The following ZZEF1 variants were observed in gnomAD, a reference collection of about 807,000 sequenced individuals.
The protein encoded by ZZEF1 is zinc finger ZZ-type and EF-hand domain containing 1.
ZZEF1 carries 157 observed loss-of-function variants against 342.8 expected under a neutral mutation model. That is an observed-to-expected ratio of 0.46 (90% CI 0.40 to 0.52). The LOEUF (loss-of-function observed/expected upper bound fraction) is 0.52, where lower values mean the gene tolerates loss of function less well. ZZEF1 is among the 20% of genes least tolerant of loss of function. The pLI, the probability that ZZEF1 is intolerant of heterozygous loss-of-function variation, is 0.00. For missense variants in ZZEF1, 3,480 were observed against 3,725.6 expected (o/e 0.93, Z 1.72); for synonymous variants, 1,505 against 1,429.1 (o/e 1.05, Z -1.20).
At chr17:4,047,725 G>A (rs757177560) in intron 37 of ZZEF1, among the ~76,000 whole-genome samples, 1 of 151,354 alleles carries the variant, frequency 6.6e-6, no homozygotes, top group Admixed American at 6.6e-5. Context: ...GGCAGATCAC[G>A]AGGTCAGAAG....
chr17:4,077,332 C>T (rs1301470386), intron 19 of ZZEF1, among the ~76,000 whole-genome samples: 1 of 152,168 alleles, frequency 6.6e-6, no homozygotes, highest in Non-Finnish European at 1.5e-5. Context: ...ATCTAACAGG[C>T]CAAGCTCTAG....
chr17:4,014,885 A>G lies in ZZEF1; in HGVS notation c.8146-370T>C, dbSNP rs946696005. Among the ~76,000 whole-genome samples, 3 of 152,180 alleles carry G rather than the reference A, an allele frequency of 2.0e-5. No individual in the cohort carries two copies. Among genetic ancestry groups the G allele is most frequent in the African/African-American group, 7.2e-5 (3 of 41,448 alleles). On this transcript the variant is annotated intron_variant, in intron 49 of 54. Transcript: ENST00000381638. The surrounding 1 kb of genome is among the most constrained non-coding windows in gnomAD (Gnocchi z 4.4). Reference sequence around the variant, plus strand: ...TGTGAAGGTCTAGCATGTTCAGGGAATGGCAAGGAGCTTGGCGTGTTTGGA... The same window carrying G: ...TGTGAAGGTCTAGCATGTTCAGGGAGTGGCAAGGAGCTTGGCGTGTTTGGA...
chr17:4,132,921 AC>A, intron 1 of ZZEF1, among the ~76,000 whole-genome samples: 1 of 152,184 alleles, frequency 6.6e-6, no homozygotes, highest in Non-Finnish European at 1.5e-5. Context: ...AGCTGAGATC[AC>A]GCCACTGCAG....
rs2058777576 is a variant in ZZEF1, at chr17:4,137,816, C to A, written c.354+4726G>T. Among the ~76,000 whole-genome samples the A allele has an allele frequency of 2.6e-5, 4 of 152,200 alleles. No individual in the cohort carries two copies. In the South Asian group the frequency reaches 8.3e-4, roughly 31 times the overall value. ...ATCTGTACAGAACAGGTAACAGGAG[C>A]CTCAGCTGTAGGGCTGAAAACACCA... is the stretch of plus-strand genomic sequence containing the variant. On this transcript the variant is annotated intron_variant, in intron 1 of 54. Transcript: ENST00000381638.
chr17:4,065,399 A>G (rs1484412858), intron 28 of ZZEF1, among the ~76,000 whole-genome samples: 7 of 150,706 alleles, frequency 4.6e-5, no homozygotes, highest in Admixed American at 4.0e-4. Flanking sequence ...ACTGTCTCCA[A>G]AAAAAAAAAC....
In ZZEF1 at chr17:4,058,077, G is replaced by A. The variant is rs34137467; in HGVS notation, c.5082C>T (p.Leu1694=). 18 of 1,614,004 alleles carry A rather than the reference G, an allele frequency of 1.1e-5. No individual in the cohort carries two copies. Among genetic ancestry groups the A allele is most frequent in the East Asian group, 2.2e-5 (1 of 44,896 alleles). Residue 1694 remains leucine, a synonymous_variant, in exon 32 of 55, where the codon CTC becomes CTT. Transcript: ENST00000381638. ...LLDMGWEPND[L]AFFVDIQLPD... ...GTAACTGAATATCAACAAAGAAGGC[G>A]AGATCATTGGGTTCCCAGCCCATAT...
rs183088585 is a variant in ZZEF1 at position 4,074,167 on chromosome 17, G to A, written c.3668C>T (p.Ala1223Val). 6.2e-6 allele frequency: 10 copies of A among 1,613,810 alleles called. No individual in the cohort carries two copies. Among genetic ancestry groups the A allele is most frequent in the South Asian group, 1.1e-5 (1 of 91,084 alleles). The change falls in exon 24 of 55, where the codon GCG becomes GTG. Residue 1223 changes from alanine (A) to valine (V), a missense_variant. Physicochemically the swap from Ala to Val is moderately conservative, Grantham distance 64. This residue lies in a region of ZZEF1 where 1,528 missense variants were observed against 1,624.1 expected (regional missense o/e 0.94). Coordinates refer to ENST00000381638, the MANE Select transcript of ZZEF1 (RefSeq NM_015113.4). The stretch of plus-strand genomic sequence containing the variant: ...GCACTTACGGCGCACAGACTTGAGC[G>A]CCATGCACTGGGAAGCCAGGCGTCC... ...LMGRLASQCM[A>V]LKSVRQLGSN...
chr17:4,115,589 G>A (rs1210802922), intron 3 of ZZEF1, among the ~76,000 whole-genome samples: 1 of 152,106 alleles, frequency 6.6e-6, no homozygotes, highest in Non-Finnish European at 1.5e-5. Flanking sequence ...CTTAAACCTG[G>A]GAGGTGAAGG....
intron 28 of ZZEF1, among the ~76,000 whole-genome samples, chr17:4,065,131 T>C (rs781835): frequency 0.054 from 8,266 of 152,180 alleles, 786 homozygotes; most frequent in African/African-American, 0.19. Context: ...AGGCCTAGTG[T>C]GGTGGCTCAC....
intron 5 of ZZEF1, among the ~76,000 whole-genome samples, chr17:4,110,707 G>A (rs541286432): frequency 1.2e-4 from 18 of 147,968 alleles, no homozygotes; most frequent in South Asian, 2.1e-4. Flanking sequence ...TTAAAATTAC[G>A]GCTTTTTTTT....
In ZZEF1 at chr17:4,142,589, G is replaced by A. The variant is rs772318083; in HGVS notation, c.307C>T (p.Leu103=). Residue 103 remains leucine, a synonymous_variant, in exon 1 of 55, where the codon CTG becomes TTG. Coordinates refer to ENST00000381638, the MANE Select transcript of ZZEF1 (RefSeq NM_015113.4). ...ESVTLEQFRE[L]LEARGAGCSS... Reference sequence around the variant, plus strand: ...CAGCCGGCGCCGCGAGCCTCCAGCAGCTCCCGGAACTGCTCCAGAGTGACA... The same window carrying A: ...CAGCCGGCGCCGCGAGCCTCCAGCAACTCCCGGAACTGCTCCAGAGTGACA... The A allele has an allele frequency of 1.2e-6, 2 of 1,604,294 alleles. No homozygotes were observed. Among genetic ancestry groups the A allele is most frequent in the African/African-American group, 2.7e-5 (2 of 74,804 alleles).
chr17:4,088,960 A>C, intron 12 of ZZEF1, 67 bp from the exon 13 acceptor site: 1 of 1,507,724 alleles, frequency 6.6e-7, no homozygotes, highest in Non-Finnish European at 9.0e-7. Flanking sequence ...AAAGAGGGAA[A>C]AAGGCCTTTC....
chr17:4,140,748 T>A (rs2058830251), intron 1 of ZZEF1, among the ~76,000 whole-genome samples: 1 of 152,208 alleles, frequency 6.6e-6, no homozygotes, highest in Non-Finnish European at 1.5e-5. Flanking sequence ...TCTCTCCATT[T>A]GCCTTTGCTC....
chr17:4,109,503 T>A (rs1270235846), intron 6 of ZZEF1, 150 bp downstream of exon 6: 1 of 718,022 alleles, frequency 1.4e-6, no homozygotes, highest in East Asian at 2.7e-5. Flanking sequence ...TGGAGCTGAG[T>A]GGCACGAACA....
At chr17:4,010,726 A>AAAAAAAC (rs2055926980) in intron 52 of ZZEF1, among the ~76,000 whole-genome samples, 1 of 150,364 alleles carries the variant, frequency 6.7e-6, no homozygotes, top group South Asian at 2.1e-4. Flanking sequence ...TTCCGTCTCA[A>AAAAAAAC]AAAAAAAAAG....
chr17:4,046,880 G>A (rs567446673), intron 37 of ZZEF1, among the ~76,000 whole-genome samples: 7 of 152,160 alleles, frequency 4.6e-5, no homozygotes, highest in South Asian at 2.1e-4. Flanking sequence ...GTCATTGGAC[G>A]GAGAAAAGGT....
chr17:4,126,875 G>A (rs899336041), intron 1 of ZZEF1, among the ~76,000 whole-genome samples: 7 of 152,084 alleles, frequency 4.6e-5, no homozygotes, highest in Non-Finnish European at 1.0e-4. Flanking sequence ...GCTGAGGCAC[G>A]AGAATCACTT....
rs756882200 is a variant in ZZEF1 at position 4,112,786 on chromosome 17, C to A, written c.889G>T (p.Val297Leu). ...WIRLKMKPDV[V>L]LRHLSIAVAA... is the part of the protein sequence containing the mutation. ...ACTGCAATGGACAGGTGCCTAAGCACAACATCTGGCTTCATTTTTAAACTG... is the reference window on the plus strand; with the variant it reads ...ACTGCAATGGACAGGTGCCTAAGCAAAACATCTGGCTTCATTTTTAAACTG... The change falls in exon 5 of 55, where the codon GTG becomes TTG. Residue 297 changes from valine (V) to leucine (L), a missense_variant. This residue lies in a region of ZZEF1 where 92 missense variants were observed against 130.3 expected (regional missense o/e 0.71). Transcript: ENST00000381638. The A allele has an allele frequency of 1.3e-6, 2 of 1,579,584 alleles. No individual in the cohort carries two copies. Among genetic ancestry groups the A allele is most frequent in the Non-Finnish European group, 1.7e-6 (2 of 1,160,598 alleles).
intron 39 of ZZEF1, among the ~76,000 whole-genome samples, chr17:4,035,211 T>A (rs1335718044): frequency 6.6e-6 from 1 of 152,222 alleles, no homozygotes; most frequent in Middle Eastern, 3.2e-3. Flanking sequence ...CATTTGTTAT[T>A]TTCCACAGGA....
Sources: gnomAD v4.1 joint callset for allele counts (sites outside exome capture counted in the v4.1 genomes callset) on GRCh38, gnomAD v4.1.1 for gene constraint, gnomAD v4.1.1 regional missense constraint, Gnocchi (gnomAD v3.1) non-coding constraint, MANE v1.5 for transcripts, NCBI Gene and HGNC (gene_info 2026-07-23, HGNC 2026-07-21) for gene names.